Variants in ADAMTSL3 observed in about 807,000 individuals in gnomAD.
ADAMTSL3 encodes ADAMTS like 3, also known as ADAMTS-like protein 3.
A neutral mutation model predicts 201.7 loss-of-function variants in ADAMTSL3; 128 were observed. The observed-to-expected ratio is 0.63, with a 90% CI of 0.55 to 0.73. The LOEUF is 0.73. Ranked by LOEUF, ADAMTSL3 falls within the 30% of genes least tolerant of loss-of-function variation. The probability of loss-of-function intolerance (pLI) is 0.00; values close to 1 mark genes in which losing one functional copy is unlikely to be tolerated. For missense variants in ADAMTSL3, 1,990 were observed against 2,119.6 expected (o/e 0.94, Z 1.20); for synonymous variants, 738 against 748.4 (o/e 0.99, Z 0.23).
intron 23 of ADAMTSL3, among the ~76,000 whole-genome samples, chr15:83,998,048 ACT>A (rs2067720692): frequency 1.3e-5 from 2 of 151,956 alleles, no homozygotes; most frequent in South Asian, 2.1e-4. Context: ...AAACAAAAAA[ACT>A]CTCTCAAAAT....
chr15:83,829,633 A>G (rs1850214213), intron 6 of ADAMTSL3, among the ~76,000 whole-genome samples: 3 of 152,150 alleles, frequency 2.0e-5, no homozygotes, highest in South Asian at 2.1e-4. Context: ...TATCAATTTT[A>G]GATCTTTCCT....
intron 7 of ADAMTSL3, among the ~76,000 whole-genome samples, chr15:83,849,491 C>T (rs1237535966): frequency 6.6e-6 from 1 of 152,202 alleles, no homozygotes; most frequent in Non-Finnish European, 1.5e-5. Context: ...TCAAAGCAGG[C>T]TTAGAATCAG....
intron 19 of ADAMTSL3, among the ~76,000 whole-genome samples, chr15:83,965,283 A>G (rs1245050250): frequency 6.7e-6 from 1 of 149,830 alleles, no homozygotes; most frequent in Non-Finnish European, 1.5e-5. Flanking sequence ...GACCCATCTC[A>G]TGTGCAAAGA....
chr15:83,860,908 C>G (rs961175497), intron 8 of ADAMTSL3, among the ~76,000 whole-genome samples: 6 of 152,208 alleles, frequency 3.9e-5, no homozygotes, highest in African/African-American at 1.2e-4. Flanking sequence ...AGGGAATTCC[C>G]TTTCCTAGTC....
intron 10 of ADAMTSL3, among the ~76,000 whole-genome samples, chr15:83,886,517 C>G (rs1452764199): frequency 6.6e-6 from 1 of 152,192 alleles, no homozygotes; most frequent in Admixed American, 6.5e-5. Flanking sequence ...GGTGCCAGGT[C>G]TGCTTGATGT....
chr15:83,996,090 ATTGAT>A (rs1386570226), intron 23 of ADAMTSL3, among the ~76,000 whole-genome samples: 2 of 152,224 alleles, frequency 1.3e-5, no homozygotes, highest in Admixed American at 6.5e-5. Flanking sequence ...ATAAATTCTA[ATTGAT>A]TTAAGTGCCT....
chr15:83,768,796 G>A (rs1293398904), intron 3 of ADAMTSL3, among the ~76,000 whole-genome samples: 3 of 152,204 alleles, frequency 2.0e-5, no homozygotes, highest in Admixed American at 6.5e-5. Flanking sequence ...TCATTATGCT[G>A]CTAGGATGAA....
At chr15:83,775,724 G>A (rs1042875166) in intron 4 of ADAMTSL3, among the ~76,000 whole-genome samples, 3 of 152,158 alleles carry the variant, frequency 2.0e-5, no homozygotes, top group Non-Finnish European at 4.4e-5. Flanking sequence ...GCACTTTGAT[G>A]GATTTTCTGA....
chr15:84,025,531 CG>C, intron 27 of ADAMTSL3, 95 bp downstream of exon 27: 5 of 1,219,454 alleles, frequency 4.1e-6, no homozygotes, highest in South Asian at 1.6e-5. Flanking sequence ...ACTTTTGGGG[CG>C]GGGGGCAGGA....
At chr15:83,768,817 G>T (rs572001705) in intron 3 of ADAMTSL3, among the ~76,000 whole-genome samples, 1 of 152,324 alleles carries the variant, frequency 6.6e-6, no homozygotes, top group South Asian at 2.1e-4. Flanking sequence ...AGGGAAGAGA[G>T]CAGAACTGGG....
At chr15:83,663,086 T>C (rs528212039) in intron 2 of ADAMTSL3, among the ~76,000 whole-genome samples, 20 of 152,268 alleles carry the variant, frequency 1.3e-4, no homozygotes, top group Non-Finnish European at 2.8e-4. Context: ...CTCCCTTTGG[T>C]GTAGTCTACC....
chr15:83,792,358 A>G (rs2063357351), intron 4 of ADAMTSL3, among the ~76,000 whole-genome samples: 1 of 152,252 alleles, frequency 6.6e-6, no homozygotes, highest in Non-Finnish European at 1.5e-5. Context: ...CACACCTGTT[A>G]GGATGGCTAT....
intron 16 of ADAMTSL3, among the ~76,000 whole-genome samples, chr15:83,923,295 T>C (rs2066182126): frequency 6.6e-6 from 1 of 152,228 alleles, no homozygotes; most frequent in Non-Finnish European, 1.5e-5. Flanking sequence ...AATACTATTC[T>C]TTTGACCTCA....
At position 83,893,522 on chromosome 15, in the gene ADAMTSL3, T is replaced by C. The variant is rs569504229; in HGVS notation, c.1467+634T>C. ...TGGAAATGCTGACACGACATGAAAG[T>C]GTGTGTCCTTGATCCAGTAGCCACT... is the stretch of plus-strand genomic sequence containing the variant. On this transcript the variant is annotated intron_variant, in intron 13 of 29. Coordinates refer to ENST00000286744, the MANE Select transcript of ADAMTSL3 (RefSeq NM_207517.3). Among the ~76,000 whole-genome samples the C allele has an allele frequency of 2.6e-5, 4 of 152,330 alleles. No homozygotes were observed. The East Asian group carries it at 7.7e-4, about 29-fold the overall frequency.
At chr15:83,877,785 T>G (rs2065203687) in intron 9 of ADAMTSL3, among the ~76,000 whole-genome samples, 1 of 152,228 alleles carries the variant, frequency 6.6e-6, no homozygotes, top group African/African-American at 2.4e-5. Flanking sequence ...TAATTTTTAC[T>G]CTATGTCATT....
intron 5 of ADAMTSL3, among the ~76,000 whole-genome samples, chr15:83,815,280 C>A (rs566296167): frequency 2.0e-5 from 3 of 152,278 alleles, no homozygotes; most frequent in Admixed American, 1.3e-4. Context: ...AATTCTGTGC[C>A]CTTCATTGCA....
chr15:83,948,915 A>C (rs1190623024), intron 19 of ADAMTSL3, among the ~76,000 whole-genome samples: 1 of 152,162 alleles, frequency 6.6e-6, no homozygotes, highest in African/African-American at 2.4e-5. Flanking sequence ...TATGGGGTAC[A>C]TGAGATACTT....
intron 3 of ADAMTSL3, among the ~76,000 whole-genome samples, chr15:83,705,653 G>T (rs1375028270): frequency 6.6e-6 from 1 of 152,042 alleles, no homozygotes; most frequent in East Asian, 1.9e-4. Flanking sequence ...GAGCATAGAG[G>T]GCAGGTAGAG....
At chr15:83,731,615 T>G (rs1310887400) in intron 3 of ADAMTSL3, among the ~76,000 whole-genome samples, 1 of 152,068 alleles carries the variant, frequency 6.6e-6, no homozygotes, top group African/African-American at 2.4e-5. Flanking sequence ...CCCGTGTTCA[T>G]TGCAGTGTTA....
Sources: gnomAD v4.1 joint callset for allele counts (sites outside exome capture counted in the v4.1 genomes callset) on GRCh38, gnomAD v4.1.1 for gene constraint, MANE v1.5 for transcripts, NCBI Gene and HGNC (gene_info 2026-07-23, HGNC 2026-07-21) for gene names.